Variants in CENPF observed in about 807,000 individuals in gnomAD.
The protein encoded by CENPF is centromere protein F.
In CENPF, 214 loss-of-function variants were observed where a neutral mutation model predicts 307.3. The observed-to-expected ratio is 0.70, with a 90% CI of 0.62 to 0.78. The LOEUF is 0.78. Among genes scored for constraint, CENPF ranks in the 30% least tolerant of loss-of-function variants. The pLI is 0.00. For synonymous variants in CENPF, 1,259 were observed against 1,270.6 expected (o/e 0.99, Z 0.19); for missense variants, 3,401 against 3,483.9 (o/e 0.98, Z 0.60).
chr1:214,625,369 C>A (rs1250755772), intron 7 of CENPF, among the ~76,000 whole-genome samples: 1 of 152,028 alleles, frequency 6.6e-6, no homozygotes, highest in Non-Finnish European at 1.5e-5. Flanking sequence ...TACAGGCACC[C>A]ACGACCATGC....
At chr1:214,651,430 G>A (rs762045571) in intron 14 of CENPF, among the ~76,000 whole-genome samples, 11 of 152,176 alleles carry the variant, frequency 7.2e-5, no homozygotes, top group Admixed American at 2.6e-4. Flanking sequence ...AGGAAGGTGT[G>A]GTCCCAGAGT....
rs200834057 is a variant in CENPF, at chr1:214,647,160, A to G, written c.7590A>G (p.Gln2530=). The stretch of plus-strand genomic sequence containing the variant: ...AAGAAATCAGTAGACTGAAAAATCA[A>G]ATTCAAGACCAAGAGCAGCTTGTCT... ...KDEEISRLKN[Q]IQDQEQLVSK... is the part of the protein sequence containing the mutation. The change falls in exon 13 of 20, where the codon CAA becomes CAG. Residue 2530 remains glutamine (Q), a synonymous_variant. Transcript: ENST00000366955. 5.6e-6 allele frequency: 9 copies of G among 1,613,996 alleles called. No homozygotes were observed. The highest frequency in any genetic ancestry group is 4.0e-5 in the African/African-American group (3 of 74,944).
At chr1:214,609,220 A>G (rs1387133224) in intron 1 of CENPF, among the ~76,000 whole-genome samples, 1 of 152,118 alleles carries the variant, frequency 6.6e-6, no homozygotes, top group Non-Finnish European at 1.5e-5. Flanking sequence ...TCCGCTTTGA[A>G]TCTCTAAGGT....
In CENPF at chr1:214,613,922, C is replaced by G. The variant is rs753550236; in HGVS notation, c.162+6C>G. ...TGCAGAAGCAAAAACAGAAGGTACCCCTGAAGCTCTGGTATTTGTAGCTGT... is the reference window on the plus strand; with the variant it reads ...TGCAGAAGCAAAAACAGAAGGTACCGCTGAAGCTCTGGTATTTGTAGCTGT... On this transcript the variant is annotated splice_donor_region_variant and intron_variant, in intron 2 of 19. Coordinates refer to ENST00000366955, the MANE Select transcript of CENPF (RefSeq NM_016343.4). 4 of 1,602,712 alleles carry G rather than the reference C, an allele frequency of 2.5e-6. No homozygotes were observed. The South Asian group carries it at 4.5e-5, about 18-fold the overall frequency.
chr1:214,633,226 C>T (rs1657857624), intron 10 of CENPF, among the ~76,000 whole-genome samples: 1 of 152,170 alleles, frequency 6.6e-6, no homozygotes. Context: ...TTGTTTTGTC[C>T]ACAAAGTGGT....
chr1:214,641,074 G>A lies in CENPF; in HGVS notation c.2736G>A (p.Glu912=). 1 of 1,566,344 alleles carries A rather than the reference G, an allele frequency of 6.4e-7. No homozygotes were observed. The highest frequency in any genetic ancestry group is 8.6e-7 in the Non-Finnish European group (1 of 1,165,430). The change falls in exon 12 of 20, where the codon GAG becomes GAA. Residue 912 remains glutamate (E), a synonymous_variant. Coordinates refer to ENST00000366955, the MANE Select transcript of CENPF (RefSeq NM_016343.4). ...GTGCCCTTGAGAACAAGGAAAAAGAGCTGCAACTTTTAAATGATAAGGTAG... is the reference window on the plus strand; with the variant it reads ...GTGCCCTTGAGAACAAGGAAAAAGAACTGCAACTTTTAAATGATAAGGTAG... ...TLSALENKEK[E]LQLLNDKVET... is the part of the protein sequence containing the mutation.
At chr1:214,622,316 T>A in intron 7 of CENPF, 35 bp downstream of exon 7, 1 of 1,456,506 alleles carries the variant, frequency 6.9e-7, no homozygotes, top group Non-Finnish European at 9.5e-7. Flanking sequence ...GGAGAAATCT[T>A]CATCTTTTCA....
At chr1:214,608,742 G>C (rs1261220242) in intron 1 of CENPF, 208 of 1,598,446 alleles carry the variant, frequency 1.3e-4, no homozygotes, top group Non-Finnish European at 1.8e-4. Context: ...AGGAATAGGT[G>C]GCCTCCGGCG....
Position 214,646,426 on chromosome 1 carries a change from G to T in CENPF, c.6856G>T (p.Glu2286Ter), listed in dbSNP as rs778236318. The T allele has an allele frequency of 3.1e-6, 5 of 1,614,106 alleles. No homozygotes were observed. The highest frequency in any genetic ancestry group is 1.3e-5 in the African/African-American group (1 of 75,050). ...TGACCAAGAAATTATGAAGGCCACA[G>T]AACAGAGTCTAGACCCACCAATAGA... ...CGDQEIMKATEQSLDPPIEEE... is the reference protein window; with the variant it reads ...CGDQEIMKAT Residue 2286 changes from glutamate to a stop codon, truncating the protein, a stop_gained, in exon 13 of 20, where the codon GAA becomes TAA. Transcript: ENST00000366955. LOFTEE classifies it high-confidence loss of function.
chr1:214,647,541 C>T, intron 13 of CENPF, 141 bp downstream of exon 13: 1 of 954,768 alleles, frequency 1.0e-6, no homozygotes, highest in Middle Eastern at 3.5e-4. Context: ...TTTATGTTTA[C>T]TGGGTCTTGA....
intron 1 of CENPF, among the ~76,000 whole-genome samples, chr1:214,605,189 G>T (rs907677202): frequency 1.3e-4 from 20 of 152,168 alleles, no homozygotes; most frequent in Admixed American, 1.1e-3. Context: ...AGATGTGGCT[G>T]AGAAGGAGGT....
chr1:214,626,009 G>A (rs574539307), intron 7 of CENPF, among the ~76,000 whole-genome samples: 147 of 152,176 alleles, frequency 9.7e-4, no homozygotes, highest in Middle Eastern at 6.8e-3. Flanking sequence ...TTATATATAC[G>A]TGTGTGTGTA....
In CENPF at chr1:214,644,651, G is replaced by A; in HGVS notation, c.5081G>A (p.Cys1694Tyr). 3 of 1,614,106 alleles carry A rather than the reference G, an allele frequency of 1.9e-6. No individual in the cohort carries two copies. Among genetic ancestry groups the A allele is most frequent in the African/African-American group, 2.7e-5 (2 of 75,056 alleles). The change falls in exon 13 of 20, where the codon TGT becomes TAT. Residue 1694 changes from cysteine (C) to tyrosine (Y), a missense_variant. Coordinates refer to ENST00000366955, the MANE Select transcript of CENPF (RefSeq NM_016343.4). ...RTPKHDVHQI[C>Y]DKDAQQDLNL... Reference sequence around the variant, plus strand: ...CCAAAGCATGATGTTCATCAGATTTGTGATAAAGATGCTCAGCAGGACCTC... The same window carrying A: ...CCAAAGCATGATGTTCATCAGATTTATGATAAAGATGCTCAGCAGGACCTC...
chr1:214,618,483 A>C (rs1657417308), intron 3 of CENPF, 90 bp from the exon 4 acceptor site: 12 of 1,434,024 alleles, frequency 8.4e-6, no homozygotes, highest in Non-Finnish European at 1.1e-5. Flanking sequence ...TTTCTTTGTA[A>C]GTTTATTACT....
chr1:214,647,076 A>T lies in CENPF; in HGVS notation c.7506A>T (p.Ser2502=), dbSNP rs76222303. The T allele has an allele frequency of 5.0e-6, 8 of 1,614,066 alleles. No individual in the cohort carries two copies. In the East Asian group the frequency reaches 1.8e-4, roughly 36 times the overall value. The stretch of plus-strand genomic sequence containing the variant: ...ATAATTATATTGTTTTGCAATCTTC[A>T]GTGAATGGCCTCATTCAAGAAGTAG... The part of the protein sequence containing the change: ...AKNNYIVLQS[S]VNGLIQEVED... Residue 2502 remains serine, a synonymous_variant, in exon 13 of 20, where the codon TCA becomes TCT. Transcript: ENST00000366955.
rs748562720 is a variant in CENPF, at chr1:214,614,927, T to A, written c.258T>A (p.Ile86=). ...CESLEKTKQK[I]SHELQVKESQ... ...GTCTGGAGAAAACTAAGCAGAAGAT[T>A]TCTCATGAACTTCAAGTCAAGGAGT... The change falls in exon 3 of 20, where the codon ATT becomes ATA. Residue 86 remains isoleucine, a synonymous_variant. Coordinates refer to ENST00000366955, the MANE Select transcript of CENPF (RefSeq NM_016343.4). The A allele has an allele frequency of 2.5e-6, 4 of 1,612,056 alleles. No individual in the cohort carries two copies. Among genetic ancestry groups the A allele is most frequent in the Non-Finnish European group, 3.4e-6 (4 of 1,179,120 alleles).
In CENPF at chr1:214,632,466, T is replaced by C. The variant is rs763135583; in HGVS notation, c.1324-14T>C. On this transcript the variant is annotated splice_polypyrimidine_tract_variant and intron_variant, in intron 9 of 19. Transcript: ENST00000366955. ...AACATGAAAATGAAACTTGGTCTCT[T>C]TTTCTTTTTGTAGCTCACATCAGTA... 15 of 1,605,920 alleles carry C rather than the reference T, an allele frequency of 9.3e-6. No individual in the cohort carries two copies. Among genetic ancestry groups the C allele is most frequent in the African/African-American group, 1.3e-5 (1 of 74,452 alleles).
rs752234856 is a variant in CENPF at position 214,648,726 on chromosome 1, A to G, written c.7882A>G (p.Met2628Val). ...ETELQREMHEMAQKTAELQEE... is the reference protein window; with the variant it reads ...ETELQREMHEVAQKTAELQEE... The stretch of plus-strand genomic sequence containing the variant: ...TGAGCTGCAGAGGGAAATGCATGAG[A>G]TGGCACAGAAAACAGCAGAGCTGCA... Residue 2628 changes from methionine (M) to valine (V), a missense_variant, in exon 14 of 20, where the codon ATG (methionine) becomes GTG (valine). Coordinates refer to ENST00000366955, the MANE Select transcript of CENPF (RefSeq NM_016343.4). 9 of 1,614,108 alleles carry G rather than the reference A, an allele frequency of 5.6e-6. No homozygotes were observed. The highest frequency in any genetic ancestry group is 7.6e-6 in the Non-Finnish European group (9 of 1,179,958).
chr1:214,640,222 A>G lies in CENPF; in HGVS notation c.1884A>G (p.Lys628=), dbSNP rs147687208. 4.4e-5 allele frequency: 71 copies of G among 1,602,952 alleles called. 2 individuals are homozygous for G. In the South Asian group the frequency reaches 4.4e-4, roughly 10 times the overall value. ...CTTGTTGGAAAAGTGAAAACGAAAA[A>G]CTTTTAACTCAGATGGAATCAGAAA... The part of the protein sequence containing the change: ...LFSCWKSENE[K]LLTQMESEKE... Residue 628 remains lysine, a synonymous_variant, in exon 12 of 20, where the codon AAA becomes AAG. Coordinates refer to ENST00000366955, the MANE Select transcript of CENPF (RefSeq NM_016343.4).
Sources: gnomAD v4.1 joint callset for allele counts (sites outside exome capture counted in the v4.1 genomes callset) on GRCh38, gnomAD v4.1.1 for gene constraint, MANE v1.5 for transcripts, NCBI Gene and HGNC (gene_info 2026-07-23, HGNC 2026-07-21) for gene names.